LIMCH1: variants seen among roughly 807,000 people sequenced by gnomAD.
LIMCH1 encodes the protein LIM and calponin homology domains 1.
A neutral mutation model predicts 176.5 loss-of-function variants in LIMCH1; 113 were observed. The ratio of observed to expected loss-of-function variants is 0.64; its 90% CI spans 0.55 to 0.75. LIMCH1 has a LOEUF of 0.75. Ranked by LOEUF, LIMCH1 falls within the 30% of genes least tolerant of loss-of-function variation. The pLI, the probability that LIMCH1 is intolerant of heterozygous loss-of-function variation, is 0.00. For missense variants in LIMCH1, 1,674 were observed against 1,814.9 expected, an observed-to-expected ratio of 0.92 and a Z score of 1.41; for synonymous variants, 619 against 645.9, an observed-to-expected ratio of 0.96 and a Z score of 0.63.
intron 18 of LIMCH1, among the ~76,000 whole-genome samples, chr4:41,656,444 A>G (rs759681850): frequency 6.6e-6 from 1 of 152,252 alleles, no homozygotes; most frequent in Non-Finnish European, 1.5e-5. Context: ...ATGCATTTAC[A>G]GATTTCGAGA....
chr4:41,535,999 A>T (rs1280454598), upstream of LIMCH1, among the ~76,000 whole-genome samples: 1 of 152,182 alleles, frequency 6.6e-6, no homozygotes, highest in African/African-American at 2.4e-5. Context: ...TTGTGACATT[A>T]CATCAGTTCC....
At chr4:41,642,032 C>G (rs1045467403) in intron 14 of LIMCH1, among the ~76,000 whole-genome samples, 1 of 152,152 alleles carries the variant, frequency 6.6e-6, no homozygotes, top group African/African-American at 2.4e-5. Flanking sequence ...ATAATCAAAT[C>G]CCAGATCCTG....
intron 4 of LIMCH1, among the ~76,000 whole-genome samples, chr4:41,609,340 A>G (rs1395510539): frequency 3.3e-5 from 5 of 151,874 alleles, no homozygotes; most frequent in Non-Finnish European, 4.4e-5. Flanking sequence ...AAGACCCATG[A>G]AGACAGGGTA....
chr4:41,616,247 C>T (rs1450145774), intron 5 of LIMCH1, among the ~76,000 whole-genome samples: 7 of 151,734 alleles, frequency 4.6e-5, no homozygotes, highest in African/African-American at 1.5e-4. Flanking sequence ...GGGGTGTGTA[C>T]GGCAAAGATA....
chr4:41,560,413 A>G (rs548311318), intron 1 of LIMCH1, among the ~76,000 whole-genome samples: 2 of 152,338 alleles, frequency 1.3e-5, no homozygotes, highest in African/African-American at 4.8e-5. Flanking sequence ...CATTTACCTT[A>G]TATAAGCATA....
intron 1 of LIMCH1, among the ~76,000 whole-genome samples, chr4:41,372,307 G>C (rs1210819412): frequency 6.6e-6 from 1 of 152,120 alleles, no homozygotes; most frequent in Non-Finnish European, 1.5e-5. Flanking sequence ...TACTGCTCTG[G>C]TTACAAAGTT....
chr4:41,670,305 G>T (rs1198221324), intron 21 of LIMCH1, among the ~76,000 whole-genome samples: 1 of 152,148 alleles, frequency 6.6e-6, no homozygotes, highest in Admixed American at 6.5e-5. Context: ...CCTTTATGAT[G>T]TGTAATGTAT....
chr4:41,383,028 C>T (rs560728515), intron 1 of LIMCH1, among the ~76,000 whole-genome samples: 2 of 152,288 alleles, frequency 1.3e-5, no homozygotes, highest in South Asian at 2.1e-4. Flanking sequence ...TGGGCTCAAT[C>T]GATTCACCTG....
intron 2 of LIMCH1, among the ~76,000 whole-genome samples, chr4:41,513,398 G>A (rs569151857): frequency 6.6e-6 from 1 of 152,164 alleles, no homozygotes; most frequent in Non-Finnish European, 1.5e-5. Context: ...TGCACGCCCA[G>A]TAAAGGAGAA....
chr4:41,502,907 TCACACACACA>T (rs71650929), intron 2 of LIMCH1, among the ~76,000 whole-genome samples: 4 of 142,214 alleles, frequency 2.8e-5, no homozygotes, highest in East Asian at 2.1e-4. Context: ...CGGAGGTAAA[TCACACACACA>T]CACACACACA....
chr4:41,632,996 A>G lies in LIMCH1; in HGVS notation c.1740A>G (p.Pro580=), dbSNP rs2093405804. 3 of 1,536,122 alleles carry G rather than the reference A, an allele frequency of 2.0e-6. No individual in the cohort carries two copies. The highest frequency in any genetic ancestry group is 2.7e-5 in the African/African-American group (2 of 73,164). Residue 580 remains proline (P), a synonymous_variant, in exon 12 of 32, where the codon CCA becomes CCG. Transcript: ENST00000503057. ...CTTTAGTTACATCCAAACAGCTGCC[A>G]CAGGATGGCAAAGAAGAAACAGAAA... ...GTEEVTSKQL[P]QDGKEETESA...
intron 1 of LIMCH1, among the ~76,000 whole-genome samples, chr4:41,416,687 A>G (rs1248525873): frequency 2.0e-4 from 30 of 151,196 alleles, no homozygotes; most frequent in Admixed American, 1.9e-3. Flanking sequence ...AGAAAATTTT[A>G]TCACTAGGTT....
intron 2 of LIMCH1, among the ~76,000 whole-genome samples, chr4:41,507,357 G>C (rs1432635263): frequency 6.6e-6 from 1 of 152,130 alleles, no homozygotes; most frequent in Non-Finnish European, 1.5e-5. Context: ...GGATGGGAGT[G>C]GGGCTAGAAG....
At chr4:41,675,308 G>A (rs1325036682) in intron 22 of LIMCH1, among the ~76,000 whole-genome samples, 3 of 151,948 alleles carry the variant, frequency 2.0e-5, no homozygotes, top group African/African-American at 7.3e-5. Context: ...GAGGTGGGCT[G>A]GCCCAGGTAC....
At chr4:41,432,067 A>C (rs1488860388) in intron 1 of LIMCH1, among the ~76,000 whole-genome samples, 1 of 152,354 alleles carries the variant, frequency 6.6e-6, no homozygotes, top group East Asian at 1.9e-4. Context: ...TAATTTGTCC[A>C]AGGCAGTATA....
At chr4:41,580,540 C>T (rs2085244605) in intron 1 of LIMCH1, among the ~76,000 whole-genome samples, 2 of 151,898 alleles carry the variant, frequency 1.3e-5, no homozygotes, top group African/African-American at 2.4e-5. Context: ...ATCAAAACTT[C>T]TAAGCACAGT....
chr4:41,455,034 T>C (rs1180909223), intron 1 of LIMCH1, among the ~76,000 whole-genome samples: 2 of 151,816 alleles, frequency 1.3e-5, no homozygotes, highest in African/African-American at 4.8e-5. Context: ...GTTGGGGTTA[T>C]TGACATGAAT....
chr4:41,373,618 A>G (rs1178697195), intron 1 of LIMCH1, among the ~76,000 whole-genome samples: 1 of 152,162 alleles, frequency 6.6e-6, no homozygotes, highest in Non-Finnish European at 1.5e-5. Context: ...CTAGCTACAA[A>G]CTCTTATTAC....
intron 1 of LIMCH1, among the ~76,000 whole-genome samples, chr4:41,439,000 G>A (rs2062410961): frequency 6.6e-6 from 1 of 152,184 alleles, no homozygotes; most frequent in Admixed American, 6.5e-5. Flanking sequence ...GGTGAGGGGA[G>A]CATCTGTCAG....
Sources: gnomAD v4.1 joint callset for allele counts (sites outside exome capture counted in the v4.1 genomes callset) on GRCh38, gnomAD v4.1.1 for gene constraint, MANE v1.5 for transcripts, NCBI Gene and HGNC (gene_info 2026-07-23, HGNC 2026-07-21) for gene names.